STXBP5L: variants seen among roughly 807,000 people sequenced by gnomAD.
STXBP5L encodes syntaxin binding protein 5L.
A neutral mutation model predicts 144.5 loss-of-function variants in STXBP5L; 65 were observed. The ratio of observed to expected loss-of-function variants is 0.45; its 90% CI spans 0.37 to 0.55. The LOEUF is 0.55. Among genes scored for constraint, STXBP5L ranks in the 20% least tolerant of loss-of-function variants. The pLI is 0.00. For missense variants in STXBP5L, 1,298 were observed against 1,405.5 expected (o/e 0.92, Z 1.22); for synonymous variants, 505 against 469.6 (o/e 1.08, Z -0.97).
intron 19 of STXBP5L, among the ~76,000 whole-genome samples, chr3:121,286,234 C>T: frequency 6.6e-6 from 1 of 151,316 alleles, no homozygotes; most frequent in South Asian, 2.1e-4. Context: ...ACACCTGAAA[C>T]ATAAAGAAGA....
chr3:121,290,533 G>A (rs917250607), intron 19 of STXBP5L, among the ~76,000 whole-genome samples: 1 of 152,058 alleles, frequency 6.6e-6, no homozygotes, highest in South Asian at 2.1e-4. Flanking sequence ...GAGAAAGAGG[G>A]AATCCTCCCC....
intron 3 of STXBP5L, among the ~76,000 whole-genome samples, chr3:121,030,847 G>T (rs185816414): frequency 2.3e-4 from 35 of 152,036 alleles, no homozygotes; most frequent in Non-Finnish European, 4.6e-4. Context: ...TTTTAAACCT[G>T]ATCAATTAAA....
At chr3:121,369,373 T>A (rs2045960985) in intron 20 of STXBP5L, among the ~76,000 whole-genome samples, 1 of 152,114 alleles carries the variant, frequency 6.6e-6, no homozygotes, top group African/African-American at 2.4e-5. Flanking sequence ...TATCCCTTTG[T>A]TGAACATCTC....
intron 9 of STXBP5L, among the ~76,000 whole-genome samples, chr3:121,171,106 A>G (rs560815771): frequency 3.9e-4 from 59 of 152,344 alleles, no homozygotes; most frequent in Admixed American, 3.9e-4. Context: ...GATTTTCTCA[A>G]TAGATGCAGA....
chr3:121,010,987 G>T (rs1216165473), intron 3 of STXBP5L, among the ~76,000 whole-genome samples: 1 of 150,708 alleles, frequency 6.6e-6, no homozygotes, highest in South Asian at 2.1e-4. Context: ...TGTACTTATT[G>T]CTTTGGTGAA....
chr3:121,405,914 C>T (rs1212993007), intron 22 of STXBP5L, among the ~76,000 whole-genome samples: 2 of 151,992 alleles, frequency 1.3e-5, no homozygotes, highest in African/African-American at 4.8e-5. Context: ...AGTAAAATGG[C>T]TTTCAAAATG....
chr3:121,032,324 G>A (rs1226249768), intron 3 of STXBP5L, among the ~76,000 whole-genome samples: 1 of 151,794 alleles, frequency 6.6e-6, no homozygotes, highest in East Asian at 1.9e-4. Flanking sequence ...ATGAAGAAAG[G>A]TTTGATTATA....
At chr3:121,004,224 A>G (rs558357339) in intron 3 of STXBP5L, among the ~76,000 whole-genome samples, 1 of 151,790 alleles carries the variant, frequency 6.6e-6, no homozygotes, top group Admixed American at 6.6e-5. Flanking sequence ...CTTTTATTTC[A>G]TCGAGCAGTG....
chr3:121,392,804 T>C (rs2046627161), intron 22 of STXBP5L, among the ~76,000 whole-genome samples: 3 of 133,612 alleles, frequency 2.2e-5, no homozygotes, highest in East Asian at 4.8e-4. Flanking sequence ...TATATATATA[T>C]ATATCACATT....
chr3:121,337,709 A>T (rs1234372448), intron 20 of STXBP5L, among the ~76,000 whole-genome samples: 1 of 152,110 alleles, frequency 6.6e-6, no homozygotes, highest in Non-Finnish European at 1.5e-5. Context: ...AACAAATATA[A>T]CTAACAGAAT....
intron 20 of STXBP5L, among the ~76,000 whole-genome samples, chr3:121,331,320 G>C (rs995086038): frequency 1.3e-5 from 2 of 152,148 alleles, no homozygotes; most frequent in African/African-American, 4.8e-5. Flanking sequence ...CCCCTTGCTC[G>C]CCACTGCAGA....
intron 20 of STXBP5L, among the ~76,000 whole-genome samples, chr3:121,374,689 A>G (rs1274800704): frequency 1.3e-5 from 2 of 152,146 alleles, no homozygotes; most frequent in African/African-American, 4.8e-5. Context: ...GTACTTTAAC[A>G]GTAGACTAGG....
chr3:121,149,826 G>A (rs1055872046), intron 7 of STXBP5L, among the ~76,000 whole-genome samples: 4 of 151,956 alleles, frequency 2.6e-5, no homozygotes, highest in African/African-American at 7.2e-5. Context: ...CTTTGCTCTT[G>A]AATAAGGTGG....
chr3:121,338,592 C>CAAAAA (rs112967595), intron 20 of STXBP5L, among the ~76,000 whole-genome samples: 1 of 101,676 alleles, frequency 9.8e-6, no homozygotes, highest in Admixed American at 1.2e-4. Context: ...GCATTTCTGT[C>CAAAAA]AAAAAAAAAA....
chr3:121,071,940 C>T (rs942911675), intron 5 of STXBP5L, among the ~76,000 whole-genome samples: 1 of 152,156 alleles, frequency 6.6e-6, no homozygotes, highest in Non-Finnish European at 1.5e-5. Flanking sequence ...GCACCTGATC[C>T]CACCTTAGAT....
At chr3:121,069,122 G>T (rs955256804) in intron 5 of STXBP5L, among the ~76,000 whole-genome samples, 1 of 152,066 alleles carries the variant, frequency 6.6e-6, no homozygotes, top group African/African-American at 2.4e-5. Context: ...GATTGTTCTT[G>T]TGCTACCCAT....
chr3:121,312,732 C>T (rs1238996950), intron 19 of STXBP5L, among the ~76,000 whole-genome samples: 25 of 151,922 alleles, frequency 1.6e-4, no homozygotes, highest in Non-Finnish European at 2.9e-4. Flanking sequence ...ATCCATTTAA[C>T]GCTGAGTGGA....
chr3:121,379,126 C>G (rs1450285399), intron 21 of STXBP5L, among the ~76,000 whole-genome samples: 1 of 152,052 alleles, frequency 6.6e-6, no homozygotes, highest in East Asian at 1.9e-4. Flanking sequence ...CTCCTCTGTA[C>G]AAAGGGAGAC....
intron 3 of STXBP5L, among the ~76,000 whole-genome samples, chr3:121,040,762 A>C (rs1463784790): frequency 6.6e-6 from 1 of 152,130 alleles, no homozygotes; most frequent in Admixed American, 6.6e-5. Context: ...CTCTCTAGGC[A>C]GTAAACTGGG....
Sources: gnomAD v4.1 joint callset for allele counts (sites outside exome capture counted in the v4.1 genomes callset) on GRCh38, gnomAD v4.1.1 for gene constraint, MANE v1.5 for transcripts, NCBI Gene and HGNC (gene_info 2026-07-23, HGNC 2026-07-21) for gene names.